The following KCNT2 variants were observed in gnomAD, a reference collection of about 807,000 sequenced individuals.
The protein encoded by KCNT2 is potassium channel subfamily T member 2.
A neutral mutation model predicts 153.8 loss-of-function variants in KCNT2; 67 were observed. That is an observed-to-expected ratio of 0.44 (90% CI 0.36 to 0.53). KCNT2 has a LOEUF of 0.53. KCNT2 is among the 20% of genes least tolerant of loss of function. The pLI is 0.00. For synonymous variants in KCNT2, 500 were observed against 458.8 expected, an observed-to-expected ratio of 1.09 and a Z score of -1.15; for missense variants, 975 against 1,354.8, an observed-to-expected ratio of 0.72 and a Z score of 4.40.
chr1:196,273,548 A>G, intron 25 of KCNT2: 4 of 1,230,672 alleles, frequency 3.3e-6, no homozygotes, highest in Non-Finnish European at 4.6e-6. Flanking sequence ...TGACTAAACA[A>G]TAGATGCATG....
intron 14 of KCNT2, among the ~76,000 whole-genome samples, chr1:196,367,838 G>A (rs1668172614): frequency 6.6e-6 from 1 of 152,110 alleles, no homozygotes; most frequent in Non-Finnish European, 1.5e-5. Context: ...ATGTTAAAAG[G>A]CAATGAGTGG....
At chr1:196,589,028 T>C (rs1458031654) in intron 1 of KCNT2, among the ~76,000 whole-genome samples, 1 of 151,944 alleles carries the variant, frequency 6.6e-6, no homozygotes, top group Non-Finnish European at 1.5e-5. Context: ...GCAACCTAAA[T>C]ATCTAACAAC....
At chr1:196,246,204 G>A (rs1357280235) in intron 26 of KCNT2, among the ~76,000 whole-genome samples, 2 of 152,042 alleles carry the variant, frequency 1.3e-5, no homozygotes, top group Non-Finnish European at 2.9e-5. Flanking sequence ...TTAAAGTGCT[G>A]AAGGAAAAAT....
At chr1:196,360,082 C>A (rs1379385379) in intron 14 of KCNT2, among the ~76,000 whole-genome samples, 2 of 151,968 alleles carry the variant, frequency 1.3e-5, no homozygotes, top group Admixed American at 1.3e-4. Flanking sequence ...AATGAGTCTG[C>A]CTAGGAAAAC....
intron 5 of KCNT2, among the ~76,000 whole-genome samples, chr1:196,471,411 C>T (rs1224391659): frequency 6.6e-6 from 1 of 151,978 alleles, no homozygotes; most frequent in Non-Finnish European, 1.5e-5. Flanking sequence ...CATAGTTATG[C>T]CATGTTTTTT....
chr1:196,488,007 G>T (rs1276359308), intron 3 of KCNT2, among the ~76,000 whole-genome samples: 1 of 151,986 alleles, frequency 6.6e-6, no homozygotes, highest in East Asian at 1.9e-4. Context: ...CATGCTTCAG[G>T]TGTGCTTCCT....
At chr1:196,601,764 A>T (rs1351154313) in intron 1 of KCNT2, among the ~76,000 whole-genome samples, 1 of 152,224 alleles carries the variant, frequency 6.6e-6, no homozygotes, top group Non-Finnish European at 1.5e-5. Context: ...TTACAAAACA[A>T]TGTAAAAGAT....
chr1:196,338,358 GAA>G (rs1379234484), intron 16 of KCNT2, among the ~76,000 whole-genome samples: 1 of 151,950 alleles, frequency 6.6e-6, no homozygotes, highest in Non-Finnish European at 1.5e-5. Flanking sequence ...AGAAAAGTCA[GAA>G]AATATCACTA....
At chr1:196,432,019 A>T (rs562805233) in intron 8 of KCNT2, among the ~76,000 whole-genome samples, 25 of 152,194 alleles carry the variant, frequency 1.6e-4, no homozygotes, top group African/African-American at 6.0e-4. Context: ...AGGGCAGAAT[A>T]GTTTCAACGG....
intron 1 of KCNT2, among the ~76,000 whole-genome samples, chr1:196,521,022 T>C (rs1027645807): frequency 2.6e-5 from 4 of 152,270 alleles, no homozygotes; most frequent in Middle Eastern, 3.4e-3. Flanking sequence ...TTCTACAGAA[T>C]GGGAGAAAAT....
At position 196,342,151 on chromosome 1, in the gene KCNT2, A is replaced by C; in HGVS notation, c.1481T>G (p.Leu494Trp). ...CSGNEVYHIV[L>W]EESTFFAEYE... ...TTCAGCAAAAAATGTACTTTCTTCC[A>C]AAACAATGTGGTAGACTTCATTCCC... The change falls in exon 15 of 28, where the codon TTG becomes TGG. Residue 494 changes from leucine (L) to tryptophan (W), a missense_variant. Physicochemically the swap from Leu to Trp is moderately conservative, Grantham distance 61 (BLOSUM62 -2). Transcript: ENST00000294725. 2 of 1,611,350 alleles carry C rather than the reference A, an allele frequency of 1.2e-6. No individual in the cohort carries two copies. Among genetic ancestry groups the C allele is most frequent in the Non-Finnish European group, 1.7e-6 (2 of 1,178,836 alleles).
intron 18 of KCNT2, among the ~76,000 whole-genome samples, chr1:196,329,266 T>G (rs76965715): frequency 2.4e-4 from 36 of 152,232 alleles, no homozygotes; most frequent in Non-Finnish European, 5.0e-4. Flanking sequence ...CTCATTTACA[T>G]AGCAGACCAC....
At chr1:196,245,089 T>C (rs950942424) in intron 26 of KCNT2, among the ~76,000 whole-genome samples, 2 of 152,132 alleles carry the variant, frequency 1.3e-5, no homozygotes, top group Non-Finnish European at 2.9e-5. Context: ...TCTTATGCAA[T>C]ACCAACAATG....
At chr1:196,234,318 A>T (rs1365800252) in intron 27 of KCNT2, among the ~76,000 whole-genome samples, 1 of 150,650 alleles carries the variant, frequency 6.6e-6, no homozygotes, top group Non-Finnish European at 1.5e-5. Flanking sequence ...TTGTCTCCCC[A>T]TTCTGACTTG....
intron 17 of KCNT2, among the ~76,000 whole-genome samples, chr1:196,333,087 G>A: frequency 6.6e-6 from 1 of 150,484 alleles, no homozygotes; most frequent in South Asian, 2.1e-4. Context: ...ACTGTGCCCA[G>A]CTGCAAGTTT....
chr1:196,537,226 A>G (rs796542529), intron 1 of KCNT2, among the ~76,000 whole-genome samples: 89 of 152,310 alleles, frequency 5.8e-4, no homozygotes, highest in African/African-American at 2.1e-3. Flanking sequence ...GGCTAACATA[A>G]TATCATTAAC....
At chr1:196,522,158 C>G (rs1017148087) in intron 1 of KCNT2, among the ~76,000 whole-genome samples, 2 of 152,070 alleles carry the variant, frequency 1.3e-5, no homozygotes, top group African/African-American at 4.8e-5. Flanking sequence ...CATTCCAAAC[C>G]TGCTTTCATT....
intron 26 of KCNT2, among the ~76,000 whole-genome samples, chr1:196,243,204 G>C (rs1558059470): frequency 6.6e-6 from 1 of 152,118 alleles, no homozygotes; most frequent in Non-Finnish European, 1.5e-5. Flanking sequence ...AATCTACTTT[G>C]ATACTAATAT....
chr1:196,389,586 G>A (rs1271069847), intron 13 of KCNT2, among the ~76,000 whole-genome samples: 1 of 151,574 alleles, frequency 6.6e-6, no homozygotes, highest in Non-Finnish European at 1.5e-5. Flanking sequence ...AAACTTTCAA[G>A]GGCAGTGTTA....
Sources: allele counts gnomAD v4.1 joint callset (sites outside exome capture counted in the v4.1 genomes callset), GRCh38; gene constraint gnomAD v4.1.1; transcripts MANE v1.5; gene names NCBI Gene and HGNC (gene_info 2026-07-23, HGNC 2026-07-21).